Variants in DPP6 observed in about 807,000 individuals in gnomAD.
The protein encoded by DPP6 is dipeptidyl peptidase like 6, also known as A-type potassium channel modulatory protein DPP6.
DPP6 carries 69 observed loss-of-function variants against 122.6 expected under a neutral mutation model. The ratio of observed to expected loss-of-function variants is 0.56; its 90% CI spans 0.46 to 0.69. DPP6 has a LOEUF of 0.69. Among genes scored for constraint, DPP6 ranks in the 30% least tolerant of loss-of-function variants. The pLI is 0.00. For synonymous variants in DPP6, 418 were observed against 433.1 expected (o/e 0.97, Z 0.43); for missense variants, 928 against 1,116.9 (o/e 0.83, Z 2.41).
chr7:153,771,615 C>T, the DPP6 span, among the ~76,000 whole-genome samples: 1 of 152,166 alleles, frequency 6.6e-6, no homozygotes, highest in Non-Finnish European at 1.5e-5. Context: ...GCTGGGGTTA[C>T]AGGCATGAGC....
chr7:154,045,955 A>AT, intron 1 of DPP6, among the ~76,000 whole-genome samples: 1 of 152,168 alleles, frequency 6.6e-6, no homozygotes, highest in South Asian at 2.1e-4. Context: ...TGACCATGCC[A>AT]TTTTTTCATG....
At chr7:154,242,178 G>C (rs1042379221) in intron 1 of DPP6, among the ~76,000 whole-genome samples, 4 of 152,142 alleles carry the variant, frequency 2.6e-5, no homozygotes, top group Non-Finnish European at 5.9e-5. Context: ...ATGTTATCCA[G>C]TCTTGCTACC....
intron 1 of DPP6, among the ~76,000 whole-genome samples, chr7:153,928,395 C>CTTTTTTTTTTTTTTTTTTTTT (rs1467865041): frequency 1.7e-4 from 5 of 29,992 alleles, no homozygotes; most frequent in Admixed American, 4.4e-4. Context: ...TCTTTTCTTT[C>CTTTTTTTTTTTTTTTTTTTTT]ATTTTTTTTT....
chr7:154,533,633 A>C (rs1457308228), intron 3 of DPP6, among the ~76,000 whole-genome samples: 1 of 152,168 alleles, frequency 6.6e-6, no homozygotes, highest in African/African-American at 2.4e-5. Flanking sequence ...AATCACAAGA[A>C]AAAAAAGAAT....
In DPP6 at chr7:153,923,532, C is replaced by T. The variant is rs991462577; in HGVS notation, c.51+35798C>T. Among the ~76,000 whole-genome samples the T allele has an allele frequency of 4.6e-5, 7 of 152,088 alleles. No individual in the cohort carries two copies. The East Asian group carries it at 7.8e-4, about 17-fold the overall frequency. ...GTCCCAGCACTTTGGGAGGCCAAGGCGGGCAGATCATGAGGTCAGGAGATC... is the reference window on the plus strand; with the variant it reads ...GTCCCAGCACTTTGGGAGGCCAAGGTGGGCAGATCATGAGGTCAGGAGATC... On this transcript the variant is annotated intron_variant, in intron 1 of 25. Coordinates refer to the DPP6 transcript ENST00000404039.
At chr7:154,800,369 T>G (rs1315464000) in intron 12 of DPP6, among the ~76,000 whole-genome samples, 1 of 152,244 alleles carries the variant, frequency 6.6e-6, no homozygotes, top group African/African-American at 2.4e-5. Flanking sequence ...CCATTAGTTC[T>G]CATCCCCGCA....
chr7:154,423,736 A>G (rs543821442), intron 1 of DPP6, among the ~76,000 whole-genome samples: 4 of 152,372 alleles, frequency 2.6e-5, no homozygotes, highest in African/African-American at 7.2e-5. Context: ...AATGTATCTC[A>G]GTGATGATTA....
rs1295921393 is a variant in DPP6 at position 154,574,665 on chromosome 7, TGTGTGTG to T, written c.627+7757_627+7763del. Among the ~76,000 whole-genome samples, 47 of 139,890 alleles carry T rather than the reference TGTGTGTG, an allele frequency of 3.4e-4. No individual in the cohort carries two copies. In the South Asian group the frequency reaches 0.011, roughly 34 times the overall value. 91.8% of individuals were successfully genotyped at this position (139,890 alleles called of 152,430 possible). A position where few individuals can be genotyped will look rare whatever the true frequency, so the allele number is the denominator to read the frequency against. On this transcript the variant is annotated intron_variant, in intron 5 of 25. Transcript: ENST00000377770. ...GTGTGTGTGGTGTAGTGTTTGTGTA[TGTGTGTG>T]GTGTGTGTGGTATATGTATATGTGT...
intron 17 of DPP6, among the ~76,000 whole-genome samples, chr7:154,855,829 T>C (rs1454530554): frequency 6.6e-6 from 1 of 152,248 alleles, no homozygotes; most frequent in Admixed American, 6.5e-5. Context: ...ACATCTTTTT[T>C]TTCCTTAAGC....
At chr7:153,900,238 GTT>G (rs36001080) in intron 1 of DPP6, among the ~76,000 whole-genome samples, 2,593 of 144,090 alleles carry the variant, frequency 0.018, 29 homozygotes, top group African/African-American at 0.023. Flanking sequence ...CCATCTTTCT[GTT>G]TTTTTTTTTT....
At chr7:154,572,894 G>T (rs766575198) in intron 5 of DPP6, among the ~76,000 whole-genome samples, 2 of 151,456 alleles carry the variant, frequency 1.3e-5, no homozygotes, top group Non-Finnish European at 2.9e-5. Context: ...TGGTTAGGCT[G>T]GTCTCAAACT....
chr7:153,800,039 T>A, the DPP6 span, among the ~76,000 whole-genome samples: 2 of 152,232 alleles, frequency 1.3e-5, no homozygotes, highest in Non-Finnish European at 2.9e-5. Context: ...TAAAAATAGA[T>A]CTGTCATATG....
At chr7:153,932,224 A>G (rs1217922067) in intron 1 of DPP6, among the ~76,000 whole-genome samples, 1 of 151,316 alleles carries the variant, frequency 6.6e-6, no homozygotes. Context: ...GGGTTCAAGC[A>G]ATTCTCCTGC....
At chr7:153,915,611 TC>T (rs1416839360) in intron 1 of DPP6, among the ~76,000 whole-genome samples, 1 of 152,162 alleles carries the variant, frequency 6.6e-6, no homozygotes, top group African/African-American at 2.4e-5. Flanking sequence ...GGACAGTCAC[TC>T]CCATGTGAAG....
In DPP6 at chr7:154,463,324, C is replaced by T. The variant is rs950534567; in HGVS notation, c.359-11615C>T. On this transcript the variant is annotated intron_variant, in intron 2 of 25. Transcript: ENST00000377770. ...CCGGGTTCACGCCATTCTCCTGCCT[C>T]AGCCTCCCGTGTAGCTGGGACTACA... Among the ~76,000 whole-genome samples the T allele has an allele frequency of 4.6e-5, 7 of 150,568 alleles. No individual in the cohort carries two copies. The South Asian group carries it at 1.1e-3, about 23-fold the overall frequency.
intron 1 of DPP6, among the ~76,000 whole-genome samples, chr7:154,054,964 A>G (rs1471943447): frequency 6.6e-6 from 1 of 152,044 alleles, no homozygotes; most frequent in African/African-American, 2.4e-5. Flanking sequence ...TTTTATTGTG[A>G]CATGTGTCTA....
chr7:154,712,301 T>G (rs1299072821), intron 7 of DPP6, among the ~76,000 whole-genome samples: 3 of 152,220 alleles, frequency 2.0e-5, no homozygotes, highest in Non-Finnish European at 4.4e-5. Flanking sequence ...TCAATAATAA[T>G]TCCATATTGT....
At chr7:154,433,688 G>A (rs1818635290) in intron 1 of DPP6, among the ~76,000 whole-genome samples, 1 of 152,066 alleles carries the variant, frequency 6.6e-6, no homozygotes, top group Non-Finnish European at 1.5e-5. Context: ...TTCTGTCCTA[G>A]GAACTAGATA....
intron 16 of DPP6, among the ~76,000 whole-genome samples, chr7:154,832,951 C>T (rs115863863): frequency 0.02 from 3,002 of 152,308 alleles, 98 homozygotes; most frequent in African/African-American, 0.068. Context: ...CCCTCCAGTT[C>T]GAGAAGTCTT....
Sources: allele counts gnomAD v4.1 joint callset (sites outside exome capture counted in the v4.1 genomes callset), GRCh38; gene constraint gnomAD v4.1.1; transcripts MANE v1.5; gene names NCBI Gene and HGNC (gene_info 2026-07-23, HGNC 2026-07-21).